GPC5: variants seen among roughly 807,000 people sequenced by gnomAD.
GPC5 encodes glypican-5.
GPC5 carries 47 observed loss-of-function variants against 53.9 expected under a neutral mutation model. That is an observed-to-expected ratio of 0.87 (90% CI 0.69 to 1.11). The LOEUF (loss-of-function observed/expected upper bound fraction) is 1.11, where lower values mean the gene tolerates loss of function less well. GPC5 is among the 50% of genes most tolerant of loss of function. GPC5 has a pLI of 0.00. For synonymous variants in GPC5, 286 were observed against 263.3 expected (o/e 1.09, Z -0.84); for missense variants, 748 against 713.1 (o/e 1.05, Z -0.56).
At chr13:91,794,844 C>T (rs1486788049) in intron 5 of GPC5, among the ~76,000 whole-genome samples, 1 of 152,022 alleles carries the variant, frequency 6.6e-6, no homozygotes, top group Non-Finnish European at 1.5e-5. Context: ...CCCCATTATC[C>T]AGAGAGAGAA....
At chr13:92,527,245 GAAAGAGAAAGAAAGAA>G (rs1566277223) in intron 7 of GPC5, among the ~76,000 whole-genome samples, 4 of 36,018 alleles carry the variant, frequency 1.1e-4, no homozygotes, top group African/African-American at 2.7e-4. Context: ...AAGAAAGAAA[GAAAGAGAAAGAAAGAA>G]AGAAAGAAAG....
intron 7 of GPC5, among the ~76,000 whole-genome samples, chr13:92,631,174 G>GTT: frequency 6.6e-6 from 1 of 151,968 alleles, no homozygotes; most frequent in African/African-American, 2.4e-5. Flanking sequence ...ATAATTAAAT[G>GTT]AGAAAATGCT....
chr13:92,297,060 G>T (rs563459766), intron 7 of GPC5, among the ~76,000 whole-genome samples: 11 of 152,236 alleles, frequency 7.2e-5, no homozygotes, highest in African/African-American at 2.7e-4. Flanking sequence ...AGCGCATGGC[G>T]CAGGACTGGC....
At chr13:91,482,600 A>C (rs767337498) in intron 2 of GPC5, among the ~76,000 whole-genome samples, 1 of 152,220 alleles carries the variant, frequency 6.6e-6, no homozygotes, top group African/African-American at 2.4e-5. Flanking sequence ...TAAGATCCTC[A>C]GGTGAATTGT....
chr13:91,618,553 C>G (rs1052902138), intron 2 of GPC5, among the ~76,000 whole-genome samples: 1 of 152,058 alleles, frequency 6.6e-6, no homozygotes, highest in African/African-American at 2.4e-5. Flanking sequence ...ATAAGGACTG[C>G]GGAATTAGAA....
At chr13:91,578,406 G>GT (rs1350250910) in intron 2 of GPC5, among the ~76,000 whole-genome samples, 4 of 152,136 alleles carry the variant, frequency 2.6e-5, no homozygotes, top group Non-Finnish European at 5.9e-5. Flanking sequence ...CACTGTTCAT[G>GT]TTTTTTCTTC....
chr13:91,645,523 G>T (rs1337978894), intron 2 of GPC5, among the ~76,000 whole-genome samples: 1 of 152,132 alleles, frequency 6.6e-6, no homozygotes, highest in Non-Finnish European at 1.5e-5. Flanking sequence ...GGACCCTCAA[G>T]TCCCTTTGTT....
chr13:92,383,370 A>C lies in GPC5; in HGVS notation c.1561+238381A>C, dbSNP rs12585255. 2.7e-3 allele frequency among the ~76,000 whole-genome samples: 417 copies of C among 152,310 alleles called. 18 individuals are homozygous for C. In the East Asian group the frequency reaches 0.067, roughly 24 times the overall value. ...TTGAATAATATAGCCTTTCAAAATT[A>C]ACAGGAAAGAGGACCTCTAATACAT... On this transcript the variant is annotated intron_variant, in intron 7 of 7. Transcript: ENST00000377067.
intron 7 of GPC5, among the ~76,000 whole-genome samples, chr13:92,561,099 T>C (rs1207587583): frequency 2.0e-5 from 3 of 151,984 alleles, no homozygotes; most frequent in Non-Finnish European, 2.9e-5. Context: ...CTTGGCTAGT[T>C]ATGCATGGGA....
chr13:92,732,776 C>A (rs925830146), intron 7 of GPC5, among the ~76,000 whole-genome samples: 2 of 151,692 alleles, frequency 1.3e-5, no homozygotes, highest in African/African-American at 4.8e-5. Context: ...ATTTTCCCAC[C>A]TGAACCGCTT....
At chr13:91,936,127 C>T (rs919998406) in intron 6 of GPC5, among the ~76,000 whole-genome samples, 1 of 152,006 alleles carries the variant, frequency 6.6e-6, no homozygotes, top group South Asian at 2.1e-4. Flanking sequence ...CTAGGATAAG[C>T]AAACTGTTAT....
At chr13:92,171,130 C>T (rs933408574) in intron 7 of GPC5, among the ~76,000 whole-genome samples, 1 of 152,068 alleles carries the variant, frequency 6.6e-6, no homozygotes, top group Admixed American at 6.6e-5. Context: ...TCATATCTGC[C>T]TCCATTCCTG....
intron 7 of GPC5, among the ~76,000 whole-genome samples, chr13:92,445,241 T>A (rs575272686): frequency 7.0e-6 from 1 of 142,770 alleles, no homozygotes; most frequent in South Asian, 2.3e-4. Context: ...TATAGGTTCC[T>A]TTCCTTTCTC....
At chr13:91,966,724 A>C (rs1488737043) in intron 6 of GPC5, among the ~76,000 whole-genome samples, 1 of 152,206 alleles carries the variant, frequency 6.6e-6, no homozygotes, top group African/African-American at 2.4e-5. Context: ...TCATGCATTG[A>C]TCATGAGCTG....
At chr13:91,590,325 T>G (rs1044950300) in intron 2 of GPC5, among the ~76,000 whole-genome samples, 1 of 152,064 alleles carries the variant, frequency 6.6e-6, no homozygotes, top group Non-Finnish European at 1.5e-5. Flanking sequence ...ATTTAATGAC[T>G]CATAAGATCT....
At chr13:91,740,859 T>C (rs1407572322) in intron 4 of GPC5, among the ~76,000 whole-genome samples, 1 of 152,210 alleles carries the variant, frequency 6.6e-6, no homozygotes, top group Non-Finnish European at 1.5e-5. Flanking sequence ...GAATAAGCTA[T>C]TAGCAAGCTT....
At position 91,519,605 on chromosome 13, in the gene GPC5, C is replaced by G. The variant is rs143904322; in HGVS notation, c.325+70683C>G. ...GTCATGATTGTAAGTTCCCTGAGGCCTCCCCAGCCATGTGGAACTATGAGT... is the reference window on the plus strand; with the variant it reads ...GTCATGATTGTAAGTTCCCTGAGGCGTCCCCAGCCATGTGGAACTATGAGT... On this transcript the variant is annotated intron_variant, in intron 2 of 7. Transcript: ENST00000377067. 6.1e-3 allele frequency among the ~76,000 whole-genome samples: 927 copies of G among 152,306 alleles called. 8 individuals carry two copies. Among genetic ancestry groups the G allele is most frequent in the African/African-American group, 0.022 (903 of 41,542 alleles).
At chr13:92,068,384 C>G (rs1345123164) in intron 6 of GPC5, among the ~76,000 whole-genome samples, 1 of 151,528 alleles carries the variant, frequency 6.6e-6, no homozygotes. Flanking sequence ...AACCGGTGAT[C>G]CTGATAGCTA....
At chr13:91,666,185 A>G (rs1050201036) in intron 2 of GPC5, among the ~76,000 whole-genome samples, 15 of 152,280 alleles carry the variant, frequency 9.9e-5, no homozygotes, top group African/African-American at 3.4e-4. Flanking sequence ...CATGCATAAC[A>G]TTGGTAGGGA....
Sources: gnomAD v4.1 joint callset for allele counts (sites outside exome capture counted in the v4.1 genomes callset) on GRCh38, gnomAD v4.1.1 for gene constraint, MANE v1.5 for transcripts, NCBI Gene and HGNC (gene_info 2026-07-23, HGNC 2026-07-21) for gene names.